IPO5: variants seen among roughly 807,000 people sequenced by gnomAD.
IPO5 encodes importin 5.
A neutral mutation model predicts 143.3 loss-of-function variants in IPO5; 18 were observed. The observed-to-expected ratio is 0.13, with a 90% CI of 0.09 to 0.19. The LOEUF (loss-of-function observed/expected upper bound fraction) is 0.19, where lower values mean the gene tolerates loss of function less well. Ranked by LOEUF, IPO5 falls within the 10% of genes least tolerant of loss-of-function variation. The probability of loss-of-function intolerance (pLI) is 1.00; values close to 1 mark genes in which losing one functional copy is unlikely to be tolerated. For missense variants in IPO5, 1,013 were observed against 1,336.9 expected (o/e 0.76, Z 3.78); for synonymous variants, 477 against 465.7 (o/e 1.02, Z -0.31).
intron 5 of IPO5, among the ~76,000 whole-genome samples, chr13:97,984,189 G>A (rs1043637662): frequency 4.6e-5 from 7 of 150,618 alleles, no homozygotes; most frequent in African/African-American, 9.8e-5. Context: ...CGTTTTAGCC[G>A]GGATGGTCTC....
intron 9 of IPO5, among the ~76,000 whole-genome samples, chr13:97,992,407 A>G (rs1456953049): frequency 6.6e-6 from 1 of 152,192 alleles, no homozygotes; most frequent in Non-Finnish European, 1.5e-5. Flanking sequence ...AAACTAGGGC[A>G]TGGATATAAG....
chr13:98,015,242 T>TTTTG (rs1555311876), intron 22 of IPO5, among the ~76,000 whole-genome samples: 1 of 147,724 alleles, frequency 6.8e-6, no homozygotes, highest in Admixed American at 6.8e-5. Context: ...TAGGAGCTGG[T>TTTTG]TGTGTGTGTG....
At chr13:97,957,347 G>A (rs891308913) in intron 2 of IPO5, among the ~76,000 whole-genome samples, 20 of 151,928 alleles carry the variant, frequency 1.3e-4, no homozygotes, top group African/African-American at 4.4e-4. Flanking sequence ...ACAGGCCTGC[G>A]CCACCATACC....
Position 98,002,926 on chromosome 13 carries a change from A to C in IPO5, c.1386A>C (p.Ala462=), listed in dbSNP as rs761146386. 1.2e-6 allele frequency: 2 copies of C among 1,613,852 alleles called. No homozygotes were observed. The highest frequency in any genetic ancestry group is 1.6e-4 in the Middle Eastern group (1 of 6,084). ...GCAATCAACGTGTGCAGGCCCATGC[A>C]GCTGCTGCCCTCATTAACTTTACTG... ...DQGNQRVQAH[A]AAALINFTED... Residue 462 remains alanine (A), a synonymous_variant, in exon 16 of 29, where the codon GCA becomes GCC. Transcript: ENST00000651721.
chr13:97,985,250 C>T (rs547060150), intron 5 of IPO5, among the ~76,000 whole-genome samples, 171 bp from the exon 6 acceptor site: 2 of 152,220 alleles, frequency 1.3e-5, no homozygotes, highest in Admixed American at 1.3e-4. Flanking sequence ...GTACAAATGG[C>T]TTATTTTGTG....
At chr13:97,964,443 C>CT (rs369952371) in intron 2 of IPO5, among the ~76,000 whole-genome samples, 1,375 of 108,156 alleles carry the variant, frequency 0.013, 10 homozygotes, top group South Asian at 0.016. Context: ...CCATTTCTTT[C>CT]TTTTTTTTTT....
At chr13:98,010,250 CT>C in intron 20 of IPO5, 26 bp downstream of exon 20, 1 of 1,602,922 alleles carries the variant, frequency 6.2e-7, no homozygotes, top group Non-Finnish European at 8.5e-7. Flanking sequence ...TTTTACTAAA[CT>C]TTTATTTTAC....
At chr13:97,982,889 T>C (rs1299080565) in intron 5 of IPO5, among the ~76,000 whole-genome samples, 2 of 152,216 alleles carry the variant, frequency 1.3e-5, no homozygotes, top group African/African-American at 2.4e-5. Flanking sequence ...ATTGATTGAT[T>C]TTGAGATGGA....
chr13:97,958,678 A>C (rs1884638414), intron 2 of IPO5, among the ~76,000 whole-genome samples: 1 of 151,890 alleles, frequency 6.6e-6, no homozygotes, highest in African/African-American at 2.4e-5. Flanking sequence ...TCTCAAAAAA[A>C]AAAAAGAAAG....
chr13:97,983,120 T>C (rs1047115854), intron 5 of IPO5, among the ~76,000 whole-genome samples: 3 of 152,142 alleles, frequency 2.0e-5, no homozygotes, highest in African/African-American at 7.2e-5. Flanking sequence ...ATCCACCCCC[T>C]TCAGCCTCCG....
At chr13:97,969,864 T>C in intron 3 of IPO5, 34 bp downstream of exon 3, 1 of 1,554,966 alleles carries the variant, frequency 6.4e-7, no homozygotes, top group Non-Finnish European at 8.8e-7. Flanking sequence ...AGTCACTTCC[T>C]GTTTTGTTTT....
intron 3 of IPO5, chr13:97,975,617 G>C (rs1886214260): frequency 6.6e-6 from 1 of 152,246 alleles, no homozygotes; most frequent in Non-Finnish European, 1.5e-5. Flanking sequence ...CTGCGCATTA[G>C]AATGCTGAAA....
chr13:97,989,509 A>G (rs1887648438), intron 7 of IPO5, among the ~76,000 whole-genome samples: 1 of 152,182 alleles, frequency 6.6e-6, no homozygotes, highest in Non-Finnish European at 1.5e-5. Flanking sequence ...TGTCTTGAAG[A>G]GGAGAAGGAG....
Position 98,021,873 on chromosome 13 carries a change from CT to C in IPO5, c.*54del. ...AACTAACTCCAAATAAACGCTTACC[CT>C]TTCCTTTAGGTTTCTTTGTTTTGTT... On this transcript the variant is annotated 3_prime_UTR_variant, in exon 29 of 29. Transcript: ENST00000651721. The C allele has an allele frequency of 7.8e-7, 1 of 1,281,724 alleles. No homozygotes were observed. 79.4% of individuals were successfully genotyped at this position (1,281,724 alleles called of 1,614,324 possible). A position where few individuals can be genotyped will look rare whatever the true frequency, so the allele number is the denominator to read the frequency against.
intron 3 of IPO5, chr13:97,976,003 T>C: frequency 1.0e-6 from 1 of 977,826 alleles, no homozygotes; most frequent in Non-Finnish European, 1.2e-6. Context: ...AGAAGGTACG[T>C]AGGAAGTGGG....
intron 18 of IPO5, among the ~76,000 whole-genome samples, chr13:98,008,782 A>G (rs1163527249): frequency 6.6e-6 from 1 of 152,186 alleles, no homozygotes; most frequent in Non-Finnish European, 1.5e-5. Context: ...TGTTATAGTA[A>G]CATCATAAAT....
intron 16 of IPO5, among the ~76,000 whole-genome samples, chr13:98,005,267 G>A (rs867236120): frequency 6.6e-5 from 10 of 151,294 alleles, no homozygotes; most frequent in East Asian, 1.9e-4. Flanking sequence ...GCGCAATCTC[G>A]GCTCACTGCA....
intron 11 of IPO5, among the ~76,000 whole-genome samples, chr13:97,993,714 A>T (rs944976045): frequency 9.2e-5 from 14 of 152,198 alleles, no homozygotes; most frequent in Admixed American, 6.5e-5. Context: ...GTGCTATGGA[A>T]ATACTACTTT....
chr13:97,969,186 T>A (rs1885617693), intron 2 of IPO5, among the ~76,000 whole-genome samples: 1 of 118,920 alleles, frequency 8.4e-6, no homozygotes. Flanking sequence ...TTTTTTTTTT[T>A]TTTTTTTTTT....
Sources: gnomAD v4.1 joint callset for allele counts (sites outside exome capture counted in the v4.1 genomes callset) on GRCh38, gnomAD v4.1.1 for gene constraint, MANE v1.5 for transcripts, NCBI Gene and HGNC (gene_info 2026-07-23, HGNC 2026-07-21) for gene names.